The following SARS1 variants were observed in gnomAD, a reference collection of about 807,000 sequenced individuals.
The protein encoded by SARS1 is seryl-tRNA synthetase 1, also known as serine--tRNA ligase, cytoplasmic.
SARS1 carries 25 observed loss-of-function variants against 63.7 expected under a neutral mutation model. That is an observed-to-expected ratio of 0.39 (90% CI 0.29 to 0.55). SARS1 has a LOEUF of 0.55. Among genes scored for constraint, SARS1 ranks in the 20% least tolerant of loss-of-function variants. SARS1 has a pLI of 0.62. For missense variants in SARS1, 417 were observed against 649.7 expected (o/e 0.64, Z 3.89); for synonymous variants, 231 against 243.5 (o/e 0.95, Z 0.48).
Position 109,235,367 on chromosome 1 carries a change from G to C in SARS1, c.905G>C (p.Arg302Pro). The C allele has an allele frequency of 6.2e-7, 1 of 1,614,060 alleles. No individual in the cohort carries two copies. Among genetic ancestry groups the C allele is most frequent in the Non-Finnish European group, 8.5e-7 (1 of 1,180,016 alleles). Reference protein sequence around the residue: ...IKYAGLSTCFRQEVGSHGRDT... With the variant: ...IKYAGLSTCFPQEVGSHGRDT... ...TATGCTGGCCTGTCTACCTGCTTCC[G>C]TCAGGAGGTGGGCTCCCATGGCCGT... Residue 302 changes from arginine to proline, a missense_variant, in exon 7 of 11, where the codon CGT (arginine) becomes CCT (proline). Physicochemically the swap from Arg to Pro is moderately radical, Grantham distance 103. Coordinates refer to ENST00000234677, the MANE Select transcript of SARS1 (RefSeq NM_006513.4). The surrounding 1 kb of genome is among the most constrained non-coding windows in gnomAD (Gnocchi z 4.7).
At chr1:109,228,555 G>T in intron 3 of SARS1, 123 bp downstream of exon 3, 1 of 667,148 alleles carries the variant, frequency 1.5e-6, no homozygotes, top group Non-Finnish European at 2.6e-6. Context: ...TCTGCTGCTG[G>T]GAAATGTCCC....
chr1:109,227,439 T>C (rs1655114594), intron 2 of SARS1, among the ~76,000 whole-genome samples: 1 of 152,242 alleles, frequency 6.6e-6, no homozygotes, highest in Non-Finnish European at 1.5e-5. Flanking sequence ...AATCCAACCC[T>C]GGTTACACCC....
intron 1 of SARS1, among the ~76,000 whole-genome samples, chr1:109,219,335 C>CTATA (rs112352590): frequency 0.087 from 11,029 of 126,836 alleles, 569 homozygotes; most frequent in South Asian, 0.15. Context: ...TATATACACA[C>CTATA]TATATATATA....
At position 109,237,910 on chromosome 1, in the gene SARS1, C is replaced by T; in HGVS notation, c.*22C>T. On this transcript the variant is annotated 3_prime_UTR_variant, in exon 11 of 11. Transcript: ENST00000234677. This position sits in a 1 kb window ranked among gnomAD's most constrained non-coding sequence, Gnocchi z 4.1. ...TTGAACATTCCTGCCTCCCTATTTG[C>T]CAGGCTTTCATTTCTGTCTGCTGAG... is the stretch of plus-strand genomic sequence containing the variant. The T allele has an allele frequency of 6.2e-7, 1 of 1,612,518 alleles. No individual in the cohort carries two copies. Among genetic ancestry groups the T allele is most frequent in the South Asian group, 1.1e-5 (1 of 90,990 alleles).
Position 109,235,528 on chromosome 1 carries a change from C to G in SARS1, c.969+97C>G. The G allele has an allele frequency of 1.0e-6, 1 of 962,954 alleles. No homozygotes were observed. The highest frequency in any genetic ancestry group is 1.6e-6 in the Non-Finnish European group (1 of 643,732). The allele number at this position is 962,954 out of a possible 1,614,324, so 59.7% of individuals were successfully genotyped here. On this transcript the variant is annotated intron_variant, in intron 7 of 10. Coordinates refer to ENST00000234677, the MANE Select transcript of SARS1 (RefSeq NM_006513.4). This position sits in a 1 kb window ranked among gnomAD's most constrained non-coding sequence, Gnocchi z 4.7. ...TGTGTTGCTGAGGCCCATCCTGGCT[C>G]CAGCTTTTCCTCTCATTGCTTACCT...
At chr1:109,228,475 G>A (rs1185867226) in intron 3 of SARS1, 43 bp downstream of exon 3, 2 of 1,403,382 alleles carry the variant, frequency 1.4e-6, no homozygotes, top group East Asian at 4.6e-5. Flanking sequence ...CTGCTATTTT[G>A]TCTTAATTTT....
intron 4 of SARS1, among the ~76,000 whole-genome samples, chr1:109,230,652 CA>C (rs1655188743): frequency 6.6e-6 from 1 of 151,952 alleles, no homozygotes. Flanking sequence ...ACAAAAAATA[CA>C]AAAATTAGCC....
chr1:109,221,842 T>TAA (rs1654934323), intron 1 of SARS1, among the ~76,000 whole-genome samples: 1 of 150,918 alleles, frequency 6.6e-6, no homozygotes, highest in Admixed American at 6.6e-5. Context: ...TCTTTTGAGA[T>TAA]AGAGTCTTGT....
chr1:109,230,816 A>T, intron 4 of SARS1, 62 bp from the exon 5 acceptor site: 1 of 1,477,490 alleles, frequency 6.8e-7, no homozygotes, highest in Non-Finnish European at 9.1e-7. Context: ...AAAAAAAAAA[A>T]ATAATTTAAA....
chr1:109,228,239 G>GT (rs1655133796), intron 2 of SARS1, 113 bp from the exon 3 acceptor site: 1 of 804,934 alleles, frequency 1.2e-6, no homozygotes, highest in Admixed American at 2.9e-5. Flanking sequence ...AAAAATTTAT[G>GT]TAAGAAGTTC....
chr1:109,218,425 G>A (rs1464495631), intron 1 of SARS1, among the ~76,000 whole-genome samples: 1 of 56,290 alleles, frequency 1.8e-5, no homozygotes, highest in African/African-American at 5.8e-5. Context: ...TTTTTTTTTT[G>A]GTACAAGTCC....
At chr1:109,226,723 C>T (rs1326103650) in intron 2 of SARS1, among the ~76,000 whole-genome samples, 25 of 50,240 alleles carry the variant, frequency 5.0e-4, no homozygotes, top group African/African-American at 1.1e-3. Context: ...CACACACACA[C>T]ACACATATAT....
chr1:109,228,467 G>T (rs771508564), intron 3 of SARS1, 35 bp downstream of exon 3: 2 of 1,445,688 alleles, frequency 1.4e-6, no homozygotes, highest in Admixed American at 3.5e-5. Context: ...TAGGATCTCT[G>T]CTATTTTGTC....
chr1:109,235,152 AT>A lies in SARS1; in HGVS notation c.748-56del, dbSNP rs1655282595. 4.3e-6 allele frequency: 6 copies of A among 1,379,944 alleles called. No individual in the cohort carries two copies. In the Admixed American group the frequency reaches 1.0e-4, roughly 23 times the overall value. The allele number at this position is 1,379,944 out of a possible 1,614,324, so 85.5% of individuals were successfully genotyped here. ...ATTGATCTCTTTCTTGTGGTTTCTT[AT>A]TCTAGCCAAGGTCCTCCCCACTTCC... On this transcript the variant is annotated intron_variant, in intron 6 of 10. Coordinates refer to ENST00000234677, the MANE Select transcript of SARS1 (RefSeq NM_006513.4). This position sits in a 1 kb window ranked among gnomAD's most constrained non-coding sequence, Gnocchi z 4.7.
intron 1 of SARS1, among the ~76,000 whole-genome samples, chr1:109,219,261 C>CTATATATATATATATA (rs1557714365): frequency 1.9e-4 from 1 of 5,260 alleles, no homozygotes; most frequent in African/African-American, 4.8e-4. Context: ...GCAAGACTCT[C>CTATATATATATATATA]CATATATATA....
chr1:109,229,390 T>C (rs760491818), intron 3 of SARS1, 24 bp from the exon 4 acceptor site: 2 of 1,610,758 alleles, frequency 1.2e-6, no homozygotes, highest in Non-Finnish European at 1.7e-6. Flanking sequence ...GTCCTGCTTA[T>C]GGGCCTGGCC....
intron 1 of SARS1, among the ~76,000 whole-genome samples, chr1:109,220,886 A>T (rs1654911003): frequency 6.6e-6 from 1 of 152,060 alleles, no homozygotes; most frequent in Non-Finnish European, 1.5e-5. Context: ...ATTTAGGTAT[A>T]AGATATATTT....
chr1:109,237,222 C>G lies in SARS1; in HGVS notation c.1258-22C>G, dbSNP rs758580507. The stretch of plus-strand genomic sequence containing the variant: ...CGATGAGAGTTGAGCCCGACTTCCC[C>G]TCTGGGACCCTGTCTTCCCAGGTGG... On this transcript the variant is annotated intron_variant, in intron 9 of 10. Transcript: ENST00000234677. This position sits in a 1 kb window ranked among gnomAD's most constrained non-coding sequence, Gnocchi z 4.1. 9 of 1,604,746 alleles carry G rather than the reference C, an allele frequency of 5.6e-6. No homozygotes were observed. In the South Asian group the frequency reaches 8.9e-5, roughly 16 times the overall value.
At position 109,235,511 on chromosome 1, in the gene SARS1, T is replaced by TG; in HGVS notation, c.969+81dup. 2 of 1,156,148 alleles carry TG rather than the reference T, an allele frequency of 1.7e-6. No individual in the cohort carries two copies. The highest frequency in any genetic ancestry group is 2.5e-6 in the Non-Finnish European group (2 of 805,506). 71.6% of individuals were successfully genotyped at this position (1,156,148 alleles called of 1,614,324 possible). ...AGATGAGAGATAGGATCTGTGTTGCTGAGGCCCATCCTGGCTCCAGCTTTT... is the reference window on the plus strand; with the variant it reads ...AGATGAGAGATAGGATCTGTGTTGCTGGAGGCCCATCCTGGCTCCAGCTTTT... On this transcript the variant is annotated intron_variant, in intron 7 of 10. Coordinates refer to ENST00000234677, the MANE Select transcript of SARS1 (RefSeq NM_006513.4). This position sits in a 1 kb window ranked among gnomAD's most constrained non-coding sequence, Gnocchi z 4.7.
Sources: gnomAD v4.1 joint callset for allele counts (sites outside exome capture counted in the v4.1 genomes callset) on GRCh38, gnomAD v4.1.1 for gene constraint, Gnocchi (gnomAD v3.1) non-coding constraint, MANE v1.5 for transcripts, NCBI Gene and HGNC (gene_info 2026-07-23, HGNC 2026-07-21) for gene names.